The following SLC9D1 variants were observed in gnomAD, a reference collection of about 807,000 sequenced individuals.
SLC9D1 encodes solute carrier family 9 member D1, also known as putative LAG1-interacting protein.
At chr13:113,532,622 G>A in the SLC9D1 span, among the ~76,000 whole-genome samples, 2 of 152,280 alleles carry the variant, frequency 1.3e-5, no homozygotes, top group Admixed American at 1.3e-4. Context: ...AGGGCCAGAC[G>A]TGGGCCTGGC....
chr13:113,535,644 G>A, the SLC9D1 span, among the ~76,000 whole-genome samples: 5 of 152,196 alleles, frequency 3.3e-5, no homozygotes, highest in East Asian at 1.9e-4. This position sits in a 1 kb window ranked among gnomAD's most constrained non-coding sequence, Gnocchi z 4.1. Context: ...ACACACCTCC[G>A]AGAACTGCGC....
the SLC9D1 span, chr13:113,499,941 T>C: frequency 1.2e-5 from 17 of 1,387,922 alleles, no homozygotes; most frequent in East Asian, 2.5e-5. Flanking sequence ...AATTGCATAA[T>C]ATTATTATTC....
the SLC9D1 span, chr13:113,536,699 G>A: frequency 5.0e-5 from 13 of 258,206 alleles, no homozygotes; most frequent in Middle Eastern, 1.7e-3. Flanking sequence ...TGGGCCTTCT[G>A]CACATCTGCA....
chr13:113,502,587 G>A, the SLC9D1 span, among the ~76,000 whole-genome samples: 1 of 152,174 alleles, frequency 6.6e-6, no homozygotes, highest in Non-Finnish European at 1.5e-5. Context: ...AGTGGGCAGT[G>A]GGGCTGTTTG....
chr13:113,499,945 A>T, the SLC9D1 span: 3 of 1,400,792 alleles, frequency 2.1e-6, no homozygotes, highest in East Asian at 7.6e-5. Flanking sequence ...GCATAATATT[A>T]TTATTCTTGC....
At chr13:113,513,026 A>G in the SLC9D1 span, among the ~76,000 whole-genome samples, 1 of 152,132 alleles carries the variant, frequency 6.6e-6, no homozygotes, top group Non-Finnish European at 1.5e-5. Context: ...CATCTCCAAC[A>G]CTGATGGGAT....
chr13:113,509,309 GT>G, the SLC9D1 span, among the ~76,000 whole-genome samples: 4 of 108,918 alleles, frequency 3.7e-5, no homozygotes, highest in African/African-American at 1.9e-4. Context: ...AGCTTCCTGT[GT>G]TAGGATGGCA....
chr13:113,510,962 G>A, the SLC9D1 span, among the ~76,000 whole-genome samples: 2 of 151,970 alleles, frequency 1.3e-5, no homozygotes, highest in African/African-American at 4.8e-5. Flanking sequence ...AGGCAGGACC[G>A]TGTCCCTCTG....
chr13:113,529,796 T>G, the SLC9D1 span: 1 of 152,194 alleles, frequency 6.6e-6, no homozygotes, highest in African/African-American at 2.4e-5. Flanking sequence ...ACATTCAGAC[T>G]GATACACGGT....
chr13:113,504,318 A>T, the SLC9D1 span: 1 of 151,910 alleles, frequency 6.6e-6, no homozygotes, highest in East Asian at 1.9e-4. Context: ...CTCATGTAGT[A>T]TTCCTTCTTT....
At chr13:113,533,402 CAT>C in the SLC9D1 span, among the ~76,000 whole-genome samples, 2 of 152,224 alleles carry the variant, frequency 1.3e-5, no homozygotes, top group East Asian at 1.9e-4. Context: ...CCTTGGGAAT[CAT>C]AGGTTTCCTC....
the SLC9D1 span, among the ~76,000 whole-genome samples, chr13:113,541,351 T>C: frequency 1.3e-5 from 2 of 148,658 alleles, no homozygotes; most frequent in Non-Finnish European, 2.9e-5. Flanking sequence ...ACACGATTGC[T>C]GATCACTGCC....
At chr13:113,495,581 C>G in the SLC9D1 span, 2 of 1,531,886 alleles carry the variant, frequency 1.3e-6, no homozygotes. Flanking sequence ...GGACCTGGAT[C>G]ATGAAGGTGT....
At chr13:113,519,586 G>C in the SLC9D1 span, among the ~76,000 whole-genome samples, 6 of 152,242 alleles carry the variant, frequency 3.9e-5, no homozygotes, top group Admixed American at 2.6e-4. Context: ...TTCTGCCCTC[G>C]TGAGCCGGTG....
At chr13:113,501,711 G>A in the SLC9D1 span, 8 of 1,561,216 alleles carry the variant, frequency 5.1e-6, no homozygotes, top group Non-Finnish European at 7.0e-6. Flanking sequence ...TCTTACCACT[G>A]TTATCTTATA....
At chr13:113,546,991 C>T in the SLC9D1 span, among the ~76,000 whole-genome samples, 1 of 152,164 alleles carries the variant, frequency 6.6e-6, no homozygotes, top group Non-Finnish European at 1.5e-5. This position sits in a 1 kb window ranked among gnomAD's most constrained non-coding sequence, Gnocchi z 7.1. Flanking sequence ...GGAATATTTC[C>T]TGAAGGAGTG....
At chr13:113,531,970 G>A in the SLC9D1 span, among the ~76,000 whole-genome samples, 1 of 152,056 alleles carries the variant, frequency 6.6e-6, no homozygotes, top group African/African-American at 2.4e-5. Context: ...TACCTGAGTT[G>A]TCCCCAGCTC....
At chr13:113,516,050 A>C in the SLC9D1 span, among the ~76,000 whole-genome samples, 2 of 152,288 alleles carry the variant, frequency 1.3e-5, no homozygotes, top group South Asian at 4.1e-4. Flanking sequence ...CAGGATCATT[A>C]AATTCATTCT....
chr13:113,543,013 C>T, the SLC9D1 span, among the ~76,000 whole-genome samples: 1 of 150,082 alleles, frequency 6.7e-6, no homozygotes, highest in Non-Finnish European at 1.5e-5. Flanking sequence ...ATTTGATCCC[C>T]TTGCTCTGCA....
Sources: gnomAD v4.1 joint callset for allele counts (sites outside exome capture counted in the v4.1 genomes callset) on GRCh38, gnomAD v4.1.1 for gene constraint, Gnocchi (gnomAD v3.1) non-coding constraint, MANE v1.5 for transcripts, NCBI Gene and HGNC (gene_info 2026-07-23, HGNC 2026-07-21) for gene names.